The following NLRP4 variants were observed in gnomAD, a reference collection of about 807,000 sequenced individuals.
NLRP4 encodes NLR family pyrin domain containing 4.
Under a neutral mutation model 84.7 loss-of-function variants are expected in NLRP4, and 44 were observed. The observed-to-expected ratio is 0.52, with a 90% confidence interval of 0.41 to 0.67. The LOEUF is 0.67. Among genes scored for constraint, NLRP4 ranks in the 30% least tolerant of loss-of-function variants. NLRP4 has a pLI of 0.00. For synonymous variants in NLRP4, 544 were observed against 476.4 expected (o/e 1.14, Z -1.85); for missense variants, 1,260 against 1,219.4 (o/e 1.03, Z -0.50).
chr19:55,851,031 GAGGC>G (rs1984105841), intron 1 of NLRP4, among the ~76,000 whole-genome samples: 2 of 130,830 alleles, frequency 1.5e-5, no homozygotes, highest in Admixed American at 7.0e-5. Context: ...TGTAATGTCC[GAGGC>G]TGCGGTGTAA....
intron 6 of NLRP4, among the ~76,000 whole-genome samples, chr19:55,869,925 C>CA (rs1319107128): frequency 1.3e-5 from 2 of 151,806 alleles, no homozygotes; most frequent in African/African-American, 4.8e-5. Flanking sequence ...CCTTTCTTGA[C>CA]AAAAAAATAC....
At chr19:55,840,353 T>TGTGC (rs1236362376) in intron 1 of NLRP4, among the ~76,000 whole-genome samples, 36 of 118,620 alleles carry the variant, frequency 3.0e-4, no homozygotes, top group African/African-American at 1.3e-3. Context: ...TATGTGTGTG[T>TGTGC]GTGTGTGTGT....
intron 1 of NLRP4, among the ~76,000 whole-genome samples, chr19:55,845,605 G>A (rs1023794762): frequency 1.3e-5 from 2 of 151,918 alleles, no homozygotes; most frequent in Non-Finnish European, 2.9e-5. Context: ...TCACCACACC[G>A]ACTTCCACAA....
intron 8 of NLRP4, 83 bp from the exon 9 acceptor site, chr19:55,878,711 T>G (rs1985467962): frequency 7.9e-7 from 1 of 1,266,030 alleles, no homozygotes; most frequent in South Asian, 1.5e-5. Context: ...GGGGTGTGCC[T>G]CAACTAGACG....
chr19:55,857,062 G>A (rs567895558), intron 2 of NLRP4, among the ~76,000 whole-genome samples: 46 of 152,240 alleles, frequency 3.0e-4, no homozygotes, highest in Non-Finnish European at 5.7e-4. Flanking sequence ...TATAGACACC[G>A]TCCTGTTGCT....
At chr19:55,842,375 T>A (rs1983645325) in intron 1 of NLRP4, among the ~76,000 whole-genome samples, 5 of 152,180 alleles carry the variant, frequency 3.3e-5, no homozygotes, top group Admixed American at 3.3e-4. Flanking sequence ...TTTAGGTTAG[T>A]TTGTCATTTT....
intron 1 of NLRP4, among the ~76,000 whole-genome samples, chr19:55,844,860 G>A (rs1299392220): frequency 1.3e-5 from 2 of 151,982 alleles, no homozygotes; most frequent in South Asian, 2.1e-4. Context: ...TGGTAGTGGT[G>A]GTAGAGGAGT....
At chr19:55,861,583 C>T (rs760460550) in intron 4 of NLRP4, 36 bp downstream of exon 4, 20 of 1,592,136 alleles carry the variant, frequency 1.3e-5, no homozygotes, top group East Asian at 8.9e-5. Context: ...GAGTATGTCA[C>T]GGAGATGACC....
intron 6 of NLRP4, among the ~76,000 whole-genome samples, chr19:55,869,233 A>G (rs780471260): frequency 1.1e-4 from 16 of 152,000 alleles, no homozygotes; most frequent in Non-Finnish European, 2.1e-4. Flanking sequence ...GGTGGTGCAT[A>G]CCTGTAGTCC....
At position 55,879,093 on chromosome 19, in the gene NLRP4, G is replaced by A. The variant is rs557648955; in HGVS notation, c.2867+129G>A. ...GTTCCTTGTCTCAGGGTTGTTGCAG[G>A]AGTAAGAACCAAGCAGGTGAGTATA... On this transcript the variant is annotated intron_variant, in intron 9 of 9. Coordinates refer to ENST00000301295, the MANE Select transcript of NLRP4 (RefSeq NM_134444.5). 63 of 690,224 alleles carry A rather than the reference G, an allele frequency of 9.1e-5. No homozygotes were observed. In the African/African-American group the frequency reaches 1.0e-3, roughly 11 times the overall value. 42.8% of individuals were successfully genotyped at this position (690,224 alleles called of 1,614,324 possible).
chr19:55,856,672 C>T (rs866359838), intron 2 of NLRP4, among the ~76,000 whole-genome samples: 21 of 151,918 alleles, frequency 1.4e-4, no homozygotes, highest in East Asian at 5.8e-4. Context: ...CACACCACCA[C>T]GCCCGGCTAA....
At chr19:55,844,775 T>G (rs1172164656) in intron 1 of NLRP4, among the ~76,000 whole-genome samples, 1 of 152,162 alleles carries the variant, frequency 6.6e-6, no homozygotes, top group East Asian at 1.9e-4. Context: ...TTTCAAAAAC[T>G]TCATACTTCA....
chr19:55,867,204 T>C (rs538467525), intron 5 of NLRP4, among the ~76,000 whole-genome samples: 53 of 148,040 alleles, frequency 3.6e-4, no homozygotes, highest in African/African-American at 1.2e-3. Flanking sequence ...GCATATCAGG[T>C]TGGCTGTCTC....
Position 55,858,109 on chromosome 19 carries a change from G to A in NLRP4, c.716G>A (p.Gly239Asp). 6.2e-7 allele frequency: 1 copy of A among 1,614,174 alleles called. No individual in the cohort carries two copies. The change falls in exon 3 of 10, where the codon GGC (glycine) becomes GAC (aspartate). Residue 239 changes from glycine to aspartate, a missense_variant. Physicochemically the swap from Gly to Asp is moderately conservative, Grantham distance 94 (BLOSUM62 -1). Transcript: ENST00000301295. The surrounding 1 kb of genome is among the most constrained non-coding windows in gnomAD (Gnocchi z 4.2). ...GACAGCTTCGAAGAGCTGCAGGGCGGCTTGAACGAACCCGATTCGGATCTG... is the reference window on the plus strand; with the variant it reads ...GACAGCTTCGAAGAGCTGCAGGGCGACTTGAACGAACCCGATTCGGATCTG... ...VIDSFEELQG[G>D]LNEPDSDLCG... is the part of the protein sequence containing the mutation.
At chr19:55,837,396 G>T (rs954181160) in intron 1 of NLRP4, among the ~76,000 whole-genome samples, 2 of 152,056 alleles carry the variant, frequency 1.3e-5, no homozygotes, top group African/African-American at 2.4e-5. Context: ...AAGATATTAA[G>T]TATATTCAAC....
At chr19:55,876,866 C>T in intron 7 of NLRP4, 130 bp from the exon 8 acceptor site, 1 of 643,520 alleles carries the variant, frequency 1.6e-6, no homozygotes, top group East Asian at 2.6e-5. Context: ...CTAGTTGAAT[C>T]TGTGGATATG....
At chr19:55,868,362 T>G (rs987640747) in intron 6 of NLRP4, among the ~76,000 whole-genome samples, 1 of 152,160 alleles carries the variant, frequency 6.6e-6, no homozygotes, top group Non-Finnish European at 1.5e-5. Context: ...CAAGCCAGTT[T>G]TAGGGTACGT....
In NLRP4 at chr19:55,868,625, C is replaced by A. The variant is rs543813009; in HGVS notation, c.2354+749C>A. 3.7e-4 allele frequency among the ~76,000 whole-genome samples: 56 copies of A among 151,876 alleles called. 1 individual carries two copies. The highest frequency in any genetic ancestry group is 3.1e-3 in the Admixed American group (47 of 15,234). ...TCAAGCAATTCCCCTGCCTCAGTCT[C>A]CCAAGTAGCTGAGATTACAGGCATG... On this transcript the variant is annotated intron_variant, in intron 6 of 9. Transcript: ENST00000301295.
In NLRP4 at chr19:55,852,336, A is replaced by T. The variant is rs758731361; in HGVS notation, c.256A>T (p.Met86Leu). 1.9e-6 allele frequency: 3 copies of T among 1,605,356 alleles called. No homozygotes were observed. The East Asian group carries it at 6.7e-5, about 36-fold the overall frequency. Reference sequence around the variant, plus strand: ...AAAGATGGATAGAAAGGATCTCTGCATGAAGGTCATGAGGGAGAGAACAGG... The same window carrying T: ...AAAGATGGATAGAAAGGATCTCTGCTTGAAGGTCATGAGGGAGAGAACAGG... ...FQKMDRKDLC[M>L]KVMRERTGYT... The change falls in exon 2 of 10, where the codon ATG becomes TTG. Residue 86 changes from methionine (M) to leucine (L), a missense_variant. By Grantham distance (15) the Met-to-Leu change is conservative. Around this residue, in one of 3 missense-constraint regions of NLRP4, gnomAD observed 712 missense variants for 669.2 expected, o/e 1.06. Transcript: ENST00000301295.
Sources: gnomAD v4.1 joint callset for allele counts (sites outside exome capture counted in the v4.1 genomes callset) on GRCh38, gnomAD v4.1.1 for gene constraint, gnomAD v4.1.1 regional missense constraint, Gnocchi (gnomAD v3.1) non-coding constraint, MANE v1.5 for transcripts, NCBI Gene and HGNC (gene_info 2026-07-23, HGNC 2026-07-21) for gene names.